The following SDK1 variants were observed in gnomAD, a reference collection of about 807,000 sequenced individuals.
SDK1 encodes the protein protein sidekick-1.
A neutral mutation model predicts 245.5 loss-of-function variants in SDK1; 157 were observed. The ratio of observed to expected loss-of-function variants is 0.64; its 90% confidence interval spans 0.56 to 0.73. The LOEUF (loss-of-function observed/expected upper bound fraction) is 0.73, where lower values mean the gene tolerates loss of function less well. SDK1 is among the 30% of genes least tolerant of loss of function. The pLI, the probability that SDK1 is intolerant of heterozygous loss-of-function variation, is 0.00. For synonymous variants in SDK1, 1,647 were observed against 1,278.5 expected (o/e 1.29, Z -6.15); for missense variants, 3,583 against 3,002.3 (o/e 1.19, Z -4.52).
At chr7:3,958,823 A>C in intron 7 of SDK1, 108 bp from the exon 8 acceptor site, 1 of 883,014 alleles carries the variant, frequency 1.1e-6, no homozygotes, top group Non-Finnish European at 1.8e-6. Flanking sequence ...ACTAATGATG[A>C]AATTTTCAAG....
chr7:3,588,306 T>C (rs1171251926), intron 1 of SDK1, among the ~76,000 whole-genome samples: 1 of 152,240 alleles, frequency 6.6e-6, no homozygotes, highest in African/African-American at 2.4e-5. Flanking sequence ...GAAGCATTTA[T>C]TTTTAGTCTG....
intron 4 of SDK1, among the ~76,000 whole-genome samples, chr7:3,706,258 G>C (rs1583325826): frequency 6.6e-6 from 1 of 152,098 alleles, no homozygotes; most frequent in Non-Finnish European, 1.5e-5. Flanking sequence ...TCCTGGCTTG[G>C]TACCAGGGTG....
chr7:3,321,176 C>G (rs1490752960), intron 1 of SDK1, among the ~76,000 whole-genome samples: 1 of 152,124 alleles, frequency 6.6e-6, no homozygotes, highest in Non-Finnish European at 1.5e-5. Flanking sequence ...ACTAAAAATC[C>G]TTTAAAAAAT....
At chr7:4,147,653 C>T (rs911658339) in intron 29 of SDK1, among the ~76,000 whole-genome samples, 1 of 152,044 alleles carries the variant, frequency 6.6e-6, no homozygotes, top group Non-Finnish European at 1.5e-5. Context: ...GGACGGAAGC[C>T]CTCAGTCGCC....
chr7:3,697,162 C>A (rs1289898448), intron 4 of SDK1, among the ~76,000 whole-genome samples: 2 of 152,154 alleles, frequency 1.3e-5, no homozygotes, highest in African/African-American at 4.8e-5. Flanking sequence ...TCAATGATCC[C>A]ATGCTAGGTT....
At chr7:4,053,492 C>G (rs919528979) in intron 19 of SDK1, among the ~76,000 whole-genome samples, 2 of 152,180 alleles carry the variant, frequency 1.3e-5, no homozygotes, top group Non-Finnish European at 2.9e-5. Flanking sequence ...TCCTTTCCCT[C>G]CTCCCACAAA....
At chr7:3,792,232 C>G (rs766656717) in intron 4 of SDK1, among the ~76,000 whole-genome samples, 1 of 152,172 alleles carries the variant, frequency 6.6e-6, no homozygotes, top group Non-Finnish European at 1.5e-5. Context: ...CTTCCATGCC[C>G]TAAAATGTCC....
At chr7:3,321,055 G>A (rs544972821) in intron 1 of SDK1, among the ~76,000 whole-genome samples, 1 of 152,302 alleles carries the variant, frequency 6.6e-6, no homozygotes, top group African/African-American at 2.4e-5. Flanking sequence ...AGGATATGTG[G>A]ATGTCTTGCA....
At chr7:3,659,970 A>C (rs1382498075) in intron 4 of SDK1, among the ~76,000 whole-genome samples, 1 of 152,228 alleles carries the variant, frequency 6.6e-6, no homozygotes, top group African/African-American at 2.4e-5. Flanking sequence ...AACTGGATTC[A>C]GATCGGATAT....
Position 4,003,442 on chromosome 7 carries a change from A to G in SDK1, c.2132-7524A>G, listed in dbSNP as rs571287095. The stretch of plus-strand genomic sequence containing the variant: ...TGACACCTTATTGTTCACTGCAGTC[A>G]CTGCCCCCTTCCGAGCTCCGCAGTC... On this transcript the variant is annotated intron_variant, in intron 14 of 44. Coordinates refer to ENST00000404826, the MANE Select transcript of SDK1 (RefSeq NM_152744.4). Among the ~76,000 whole-genome samples, 38 of 152,272 alleles carry G rather than the reference A, an allele frequency of 2.5e-4. 2 individuals are homozygous for G. In the South Asian group the frequency reaches 7.5e-3, roughly 30 times the overall value.
At chr7:4,040,776 C>T (rs1383825628) in intron 17 of SDK1, among the ~76,000 whole-genome samples, 2 of 152,122 alleles carry the variant, frequency 1.3e-5, no homozygotes, top group Non-Finnish European at 2.9e-5. Context: ...TGGGTTATCT[C>T]CCCCGCTGGT....
chr7:3,486,164 G>T (rs1287677704), intron 1 of SDK1, among the ~76,000 whole-genome samples: 2 of 151,442 alleles, frequency 1.3e-5, no homozygotes, highest in African/African-American at 4.9e-5. Flanking sequence ...TTTTTCTTAT[G>T]AAAATTTTAG....
chr7:3,324,995 G>A (rs1779907382), intron 1 of SDK1, among the ~76,000 whole-genome samples: 1 of 152,142 alleles, frequency 6.6e-6, no homozygotes, highest in Non-Finnish European at 1.5e-5. Context: ...TAGTGTGGTA[G>A]ATTCTGGTGG....
At chr7:3,522,949 C>T (rs1380271127) in intron 1 of SDK1, among the ~76,000 whole-genome samples, 1 of 29,006 alleles carries the variant, frequency 3.4e-5, no homozygotes, top group Middle Eastern at 0.017. Context: ...GTTAGGGGCA[C>T]TCTTTGGCTC....
chr7:3,743,228 C>G (rs1779525819), intron 4 of SDK1, among the ~76,000 whole-genome samples: 1 of 152,074 alleles, frequency 6.6e-6, no homozygotes. Flanking sequence ...TTAAAAGAGG[C>G]AGTCTGTTAA....
At chr7:3,564,613 A>C (rs1440562501) in intron 1 of SDK1, among the ~76,000 whole-genome samples, 1 of 152,182 alleles carries the variant, frequency 6.6e-6, no homozygotes, top group Admixed American at 6.5e-5. Context: ...GGAAAAGCTA[A>C]ATAAAATGAA....
At chr7:3,645,813 G>A (rs187042305) in intron 4 of SDK1, among the ~76,000 whole-genome samples, 30 of 152,070 alleles carry the variant, frequency 2.0e-4, no homozygotes, top group Middle Eastern at 3.4e-3. Flanking sequence ...GACTCAAGGT[G>A]CTTCCCACAT....
intron 4 of SDK1, among the ~76,000 whole-genome samples, chr7:3,803,356 G>T (rs1779155554): frequency 6.7e-6 from 1 of 149,970 alleles, no homozygotes. Flanking sequence ...TATCACCTAG[G>T]CTGGAGTGCA....
intron 35 of SDK1, among the ~76,000 whole-genome samples, chr7:4,185,545 C>G (rs555143281): frequency 6.6e-6 from 1 of 152,288 alleles, no homozygotes; most frequent in African/African-American, 2.4e-5. Context: ...GCTCCCTACT[C>G]CCGTCCCTGG....
Sources: allele counts gnomAD v4.1 joint callset (sites outside exome capture counted in the v4.1 genomes callset), GRCh38; gene constraint gnomAD v4.1.1; transcripts MANE v1.5; gene names NCBI Gene and HGNC (gene_info 2026-07-23, HGNC 2026-07-21).